Variants in CCSER1 observed in about 807,000 individuals in gnomAD.
CCSER1 encodes serine-rich coiled-coil domain-containing protein 1.
CCSER1 carries 41 observed loss-of-function variants against 82.0 expected under a neutral mutation model. The observed-to-expected ratio is 0.50, with a 90% CI of 0.39 to 0.65. CCSER1 has a LOEUF of 0.65. CCSER1 is among the 30% of genes least tolerant of loss of function. CCSER1 has a pLI of 0.00. For missense variants in CCSER1, 1,119 were observed against 1,064.2 expected, an observed-to-expected ratio of 1.05 and a Z score of -0.72; for synonymous variants, 414 against 383.9, an observed-to-expected ratio of 1.08 and a Z score of -0.92.
chr4:90,998,158 G>A (rs939757349), intron 9 of CCSER1, among the ~76,000 whole-genome samples: 8 of 151,712 alleles, frequency 5.3e-5, no homozygotes, highest in Admixed American at 4.6e-4. Flanking sequence ...TTGGCTCACC[G>A]CAACCTCTGC....
chr4:90,771,355 T>C (rs1442903088), intron 7 of CCSER1, among the ~76,000 whole-genome samples: 1 of 151,904 alleles, frequency 6.6e-6, no homozygotes, highest in East Asian at 1.9e-4. Flanking sequence ...TTAGACAATA[T>C]TATTGAGGGA....
At chr4:90,911,156 T>C (rs1437425422) in intron 8 of CCSER1, 5 of 391,590 alleles carry the variant, frequency 1.3e-5, no homozygotes, top group African/African-American at 6.3e-5. Flanking sequence ...TGGGTAATGA[T>C]TGCATAAGAG....
chr4:91,321,454 G>A (rs933252343), intron 10 of CCSER1, among the ~76,000 whole-genome samples: 3 of 151,998 alleles, frequency 2.0e-5, no homozygotes, highest in African/African-American at 7.2e-5. Flanking sequence ...AAAAGGTGCC[G>A]ATTGCAGCTT....
intron 7 of CCSER1, among the ~76,000 whole-genome samples, chr4:90,732,353 G>T (rs1174758416): frequency 6.6e-6 from 1 of 152,080 alleles, no homozygotes; most frequent in Non-Finnish European, 1.5e-5. Flanking sequence ...AGAAGACACA[G>T]AATTCAACAG....
At chr4:90,160,262 T>A (rs984024917) in intron 1 of CCSER1, among the ~76,000 whole-genome samples, 2 of 152,214 alleles carry the variant, frequency 1.3e-5, no homozygotes, top group East Asian at 3.8e-4. Flanking sequence ...ACTGACAGTC[T>A]GTCTGGAGGT....
chr4:91,222,697 A>G (rs1235404584), intron 10 of CCSER1, among the ~76,000 whole-genome samples: 4 of 152,148 alleles, frequency 2.6e-5, no homozygotes, highest in Non-Finnish European at 5.9e-5. Context: ...TTCATTGAGC[A>G]CTGCTGTCCA....
At chr4:90,716,035 G>A (rs116110499) in intron 6 of CCSER1, among the ~76,000 whole-genome samples, 1,656 of 150,936 alleles carry the variant, frequency 0.011, 39 homozygotes, top group African/African-American at 0.039. Context: ...TAAATATATG[G>A]TAAAACAGCA....
intron 9 of CCSER1, among the ~76,000 whole-genome samples, chr4:90,977,725 T>C (rs1384947091): frequency 1.3e-5 from 2 of 151,708 alleles, no homozygotes; most frequent in African/African-American, 4.8e-5. Context: ...AATCATTTGT[T>C]TGTATATCTG....
chr4:90,589,110 T>C (rs1782384590), intron 5 of CCSER1, among the ~76,000 whole-genome samples: 1 of 152,164 alleles, frequency 6.6e-6, no homozygotes, highest in Non-Finnish European at 1.5e-5. Context: ...AGGGAAAGTA[T>C]GCTACAGATG....
intron 10 of CCSER1, among the ~76,000 whole-genome samples, chr4:91,158,893 A>G (rs1731094952): frequency 2.0e-5 from 3 of 151,970 alleles, no homozygotes; most frequent in African/African-American, 4.8e-5. Flanking sequence ...AAGCGAATCC[A>G]TATTGGCTTG....
At chr4:91,384,389 TTTA>T (rs777483507) in intron 10 of CCSER1, among the ~76,000 whole-genome samples, 2 of 135,172 alleles carry the variant, frequency 1.5e-5, no homozygotes, top group Middle Eastern at 3.8e-3. Flanking sequence ...TCCGTTATTT[TTTA>T]TTATTATTTA....
chr4:91,487,960 A>G (rs983707891), intron 10 of CCSER1, among the ~76,000 whole-genome samples: 1 of 152,074 alleles, frequency 6.6e-6, no homozygotes, highest in Non-Finnish European at 1.5e-5. Context: ...AAGTTAAATT[A>G]TATAAGACAA....
intron 2 of CCSER1, among the ~76,000 whole-genome samples, chr4:90,311,970 A>G (rs1318790730): frequency 6.6e-6 from 1 of 152,202 alleles, no homozygotes; most frequent in Non-Finnish European, 1.5e-5. Context: ...CTCAGTTAAC[A>G]TGCTATATAT....
chr4:91,136,144 CTT>C (rs1475015496), intron 10 of CCSER1, among the ~76,000 whole-genome samples: 1 of 152,134 alleles, frequency 6.6e-6, no homozygotes, highest in East Asian at 1.9e-4. Context: ...GTCCCTGAAC[CTT>C]CCAGTCCAGT....
chr4:91,036,739 T>C (rs1741464180), intron 9 of CCSER1, among the ~76,000 whole-genome samples: 1 of 151,200 alleles, frequency 6.6e-6, no homozygotes, highest in Non-Finnish European at 1.5e-5. Context: ...AAATAAGGAG[T>C]TAGATAAATG....
chr4:91,094,331 T>C (rs4302434), intron 10 of CCSER1, among the ~76,000 whole-genome samples: 51,373 of 152,110 alleles, frequency 0.34, 9,107 homozygotes, highest in East Asian at 0.46. Flanking sequence ...AAACAGCTTT[T>C]GGCTCTCAGG....
intron 10 of CCSER1, among the ~76,000 whole-genome samples, chr4:91,343,927 T>C (rs549469610): frequency 6.6e-6 from 1 of 152,276 alleles, no homozygotes; most frequent in Admixed American, 6.5e-5. Flanking sequence ...GTTTAAGAAA[T>C]GTAAAAATAA....
chr4:90,991,248 T>A (rs1737004187), intron 9 of CCSER1, among the ~76,000 whole-genome samples: 1 of 151,976 alleles, frequency 6.6e-6, no homozygotes, highest in African/African-American at 2.4e-5. Flanking sequence ...CTAAGATTAT[T>A]TTCTTATCAA....
chr4:90,736,170 G>A (rs180976416), intron 7 of CCSER1, among the ~76,000 whole-genome samples: 1 of 152,190 alleles, frequency 6.6e-6, no homozygotes, highest in Admixed American at 6.5e-5. Context: ...AGAATAATGT[G>A]TATTCTGAAG....
Sources: gnomAD v4.1 joint callset for allele counts (sites outside exome capture counted in the v4.1 genomes callset) on GRCh38, gnomAD v4.1.1 for gene constraint, MANE v1.5 for transcripts, NCBI Gene and HGNC (gene_info 2026-07-23, HGNC 2026-07-21) for gene names.